The following SNCAIP variants were observed in gnomAD, a reference collection of about 807,000 sequenced individuals.
SNCAIP encodes synphilin-1.
In SNCAIP, 43 loss-of-function variants were observed where a neutral mutation model predicts 86.7. The observed-to-expected ratio is 0.50, with a 90% CI of 0.39 to 0.64. The LOEUF is 0.64. SNCAIP is among the 30% of genes least tolerant of loss of function. The probability of loss-of-function intolerance (pLI) is 0.00; values close to 1 mark genes in which losing one functional copy is unlikely to be tolerated. For synonymous variants in SNCAIP, 417 were observed against 427.2 expected (o/e 0.98, Z 0.29); for missense variants, 981 against 1,103.1 (o/e 0.89, Z 1.57).
chr5:122,366,497 A>G (rs866998026), intron 1 of SNCAIP, among the ~76,000 whole-genome samples: 7 of 152,330 alleles, frequency 4.6e-5, no homozygotes, highest in Middle Eastern at 3.4e-3. Flanking sequence ...CTGAGAGAAT[A>G]TATCTGAGAG....
chr5:122,340,966 G>A (rs1473543320), intron 1 of SNCAIP, among the ~76,000 whole-genome samples: 3 of 152,096 alleles, frequency 2.0e-5, no homozygotes, highest in African/African-American at 7.2e-5. Flanking sequence ...CAGGGGTTAG[G>A]CATTCATAAA....
At chr5:122,366,368 GAGAC>G (rs756966279) in intron 1 of SNCAIP, among the ~76,000 whole-genome samples, 125 of 152,324 alleles carry the variant, frequency 8.2e-4, no homozygotes, top group Non-Finnish European at 1.4e-3. Flanking sequence ...GTGAGAAAGA[GAGAC>G]AGAGAAAGAC....
intron 1 of SNCAIP, among the ~76,000 whole-genome samples, chr5:122,387,194 T>C (rs1768340677): frequency 6.6e-6 from 1 of 152,182 alleles, no homozygotes; most frequent in Non-Finnish European, 1.5e-5. Flanking sequence ...AGTCTCGTTC[T>C]GTCACCCAGA....
chr5:122,385,801 C>T (rs901627688), intron 1 of SNCAIP, among the ~76,000 whole-genome samples: 1 of 151,874 alleles, frequency 6.6e-6, no homozygotes, highest in African/African-American at 2.4e-5. Context: ...TTGAAGTTAC[C>T]TCATCACCGA....
chr5:122,348,694 A>G (rs969618540), intron 1 of SNCAIP, among the ~76,000 whole-genome samples: 1 of 152,178 alleles, frequency 6.6e-6, no homozygotes, highest in Non-Finnish European at 1.5e-5. Context: ...ATGAGAAGCC[A>G]GCAGAATTGG....
At chr5:122,382,769 C>A (rs1181680039) in intron 1 of SNCAIP, among the ~76,000 whole-genome samples, 2 of 152,174 alleles carry the variant, frequency 1.3e-5, no homozygotes, top group African/African-American at 4.8e-5. Context: ...ACAGACAGGA[C>A]CCTCAGCTGC....
chr5:122,425,256 A>G, intron 4 of SNCAIP, 96 bp from the exon 5 acceptor site: 1 of 923,184 alleles, frequency 1.1e-6, no homozygotes, highest in Admixed American at 1.7e-5. Context: ...GAGCTTCTAT[A>G]AGCTCATTTC....
At chr5:122,395,520 A>G (rs1029178906) in intron 2 of SNCAIP, among the ~76,000 whole-genome samples, 3 of 152,150 alleles carry the variant, frequency 2.0e-5, no homozygotes, top group Admixed American at 6.6e-5. Flanking sequence ...AGTAATGGCA[A>G]AAAATTATGT....
chr5:122,422,716 T>C, intron 3 of SNCAIP, 152 bp from the exon 4 acceptor site: 1 of 618,416 alleles, frequency 1.6e-6, no homozygotes, highest in South Asian at 2.0e-5. Flanking sequence ...GTAAGTATGA[T>C]TTTTTTTGTT....
chr5:122,458,282 A>G (rs1289442886), intron 10 of SNCAIP, among the ~76,000 whole-genome samples: 2 of 152,164 alleles, frequency 1.3e-5, no homozygotes, highest in Non-Finnish European at 2.9e-5. Flanking sequence ...CCACCAGACC[A>G]TTTGCTTTCA....
chr5:122,314,133 T>C (rs1370727126), intron 1 of SNCAIP, among the ~76,000 whole-genome samples: 1 of 152,234 alleles, frequency 6.6e-6, no homozygotes, highest in African/African-American at 2.4e-5. Flanking sequence ...TCCAGACAGT[T>C]GTTCTGGTGC....
chr5:122,383,076 G>C lies in SNCAIP; in HGVS notation c.-46-8013G>C, dbSNP rs1027953863. Among the ~76,000 whole-genome samples, 6 of 152,294 alleles carry C rather than the reference G, an allele frequency of 3.9e-5. No homozygotes were observed. In the East Asian group the frequency reaches 5.8e-4, roughly 15 times the overall value. ...GAGCTGTGGTGGGCTCCACCCAGTT[G>C]GAGCTTCCCGGCTGCTTTGTTTACC... is the stretch of plus-strand genomic sequence containing the variant. On this transcript the variant is annotated intron_variant, in intron 1 of 10. Transcript: ENST00000261368.
At chr5:122,424,492 C>A (rs1776995353) in intron 4 of SNCAIP, among the ~76,000 whole-genome samples, 1 of 152,212 alleles carries the variant, frequency 6.6e-6, no homozygotes, top group Admixed American at 6.5e-5. Context: ...AGAAAATCAT[C>A]ACATCTTGGC....
At position 122,429,638 on chromosome 5, in the gene SNCAIP, G is replaced by C. The variant is rs1777999662; in HGVS notation, c.1183-2331G>C. Among the ~76,000 whole-genome samples, 3 of 152,170 alleles carry C rather than the reference G, an allele frequency of 2.0e-5. No individual in the cohort carries two copies. In the South Asian group the frequency reaches 6.2e-4, roughly 32 times the overall value. On this transcript the variant is annotated intron_variant, in intron 5 of 10. Coordinates refer to ENST00000261368, the MANE Select transcript of SNCAIP (RefSeq NM_005460.4). Reference sequence around the variant, plus strand: ...TGAAGCACATTGTATTTGTGTGTTAGTGGTTTTTCGTTTTTAATCCTGGTA... The same window carrying C: ...TGAAGCACATTGTATTTGTGTGTTACTGGTTTTTCGTTTTTAATCCTGGTA...
intron 3 of SNCAIP, among the ~76,000 whole-genome samples, chr5:122,419,446 A>G (rs1367325607): frequency 1.3e-5 from 2 of 152,220 alleles, no homozygotes; most frequent in African/African-American, 4.8e-5. Context: ...CTGTTTACTT[A>G]CTGACCATTT....
chr5:122,451,429 T>C lies in SNCAIP; in HGVS notation c.2582T>C (p.Phe861Ser). 6.2e-7 allele frequency: 1 copy of C among 1,614,028 alleles called. No homozygotes were observed. The highest frequency in any genetic ancestry group is 8.5e-7 in the Non-Finnish European group (1 of 1,179,998). The change falls in exon 10 of 11, where the codon TTT becomes TCT. Residue 861 changes from phenylalanine to serine, a missense_variant. Transcript: ENST00000261368. ...NESGDQLKRP[F>S]GAFRSIMETL... ...TCGGGGGATCAACTGAAAAGGCCTT[T>C]TGGAGCCTTTCGATCTATCATGGAG... is the stretch of plus-strand genomic sequence containing the variant.
chr5:122,452,951 T>G (rs1784009348), intron 10 of SNCAIP: 1 of 1,549,028 alleles, frequency 6.5e-7, no homozygotes, highest in African/African-American at 1.4e-5. Context: ...GCATCAATCT[T>G]TCCTCTAACA....
chr5:122,357,892 G>A (rs1414851860), intron 1 of SNCAIP, among the ~76,000 whole-genome samples: 1 of 152,128 alleles, frequency 6.6e-6, no homozygotes, highest in Non-Finnish European at 1.5e-5. Context: ...AAGCCAGAAA[G>A]TTCTGCTGGA....
chr5:122,458,196 G>A (rs970445931), intron 10 of SNCAIP, among the ~76,000 whole-genome samples: 1 of 152,208 alleles, frequency 6.6e-6, no homozygotes, highest in African/African-American at 2.4e-5. Context: ...AAATGAATGT[G>A]TGGAGTTTGT....
Sources: allele counts gnomAD v4.1 joint callset (sites outside exome capture counted in the v4.1 genomes callset), GRCh38; gene constraint gnomAD v4.1.1; transcripts MANE v1.5; gene names NCBI Gene and HGNC (gene_info 2026-07-23, HGNC 2026-07-21).